ACVR1: variants seen among roughly 807,000 people sequenced by gnomAD.
ACVR1 encodes activin A receptor type 1.
ACVR1 carries 38 observed loss-of-function variants against 57.1 expected under a neutral mutation model. That is an observed-to-expected ratio of 0.67 (90% CI 0.51 to 0.87). The LOEUF is 0.87. Ranked by LOEUF, ACVR1 falls within the 40% of genes least tolerant of loss-of-function variation. The probability of loss-of-function intolerance (pLI) is 0.00; values close to 1 mark genes in which losing one functional copy is unlikely to be tolerated. For missense variants in ACVR1, 463 were observed against 638.2 expected, an observed-to-expected ratio of 0.73 and a Z score of 2.96; for synonymous variants, 212 against 228.1, an observed-to-expected ratio of 0.93 and a Z score of 0.63.
At chr2:157,753,540 C>G (rs967615766) in intron 9 of ACVR1, among the ~76,000 whole-genome samples, 2 of 151,928 alleles carry the variant, frequency 1.3e-5, no homozygotes, top group Non-Finnish European at 1.5e-5. Context: ...AAAAAAGAAG[C>G]CTTGTCCAGC....
intron 5 of ACVR1, among the ~76,000 whole-genome samples, chr2:157,774,482 A>T (rs976027758): frequency 6.6e-6 from 1 of 152,126 alleles, no homozygotes; most frequent in Non-Finnish European, 1.5e-5. Context: ...CTCCTGCCTC[A>T]GCCTCCCAAG....
chr2:157,816,286 C>T (rs1455322053), intron 2 of ACVR1, among the ~76,000 whole-genome samples: 5 of 151,924 alleles, frequency 3.3e-5, no homozygotes, highest in East Asian at 3.8e-4. Context: ...TATACTGTTT[C>T]GTATTATCTG....
At chr2:157,757,335 A>C (rs558523328) in intron 9 of ACVR1, among the ~76,000 whole-genome samples, 69 of 151,826 alleles carry the variant, frequency 4.5e-4, no homozygotes, top group Admixed American at 2.1e-3. Context: ...CCTATCCCCC[A>C]AAAAAAGCTG....
At chr2:157,789,905 T>G (rs764875878) in intron 3 of ACVR1, among the ~76,000 whole-genome samples, 2 of 152,204 alleles carry the variant, frequency 1.3e-5, no homozygotes, top group Non-Finnish European at 2.9e-5. Context: ...TAGGAAAGCC[T>G]TTCTCTCAAA....
rs367857827 is a variant in ACVR1 at position 157,737,552 on chromosome 2, G to A, written c.1509C>T (p.Asp503=). ...AATGTCAACAGTCAGTTTTCAATTTGTCGAGGGAATTATCAATTTTGGTCA... is the reference window on the plus strand; with the variant it reads ...AATGTCAACAGTCAGTTTTCAATTTATCGAGGGAATTATCAATTTTGGTCA... The part of the protein sequence containing the change: ...KTLTKIDNSL[D]KLKTDC Residue 503 remains aspartate, a synonymous_variant, in exon 11 of 11, where the codon GAC becomes GAT. Transcript: ENST00000434821. The A allele has an allele frequency of 6.8e-5, 109 of 1,613,914 alleles. No homozygotes were observed. Among genetic ancestry groups the A allele is most frequent in the Non-Finnish European group, 8.6e-5 (101 of 1,179,976 alleles).
At chr2:157,808,249 G>A (rs1255804585) in intron 2 of ACVR1, among the ~76,000 whole-genome samples, 4 of 152,068 alleles carry the variant, frequency 2.6e-5, no homozygotes, top group Non-Finnish European at 4.4e-5. Flanking sequence ...ACTCTGCCTG[G>A]CTCATGGCTA....
chr2:157,754,504 T>C (rs192791489), intron 9 of ACVR1, among the ~76,000 whole-genome samples: 2 of 152,166 alleles, frequency 1.3e-5, no homozygotes, highest in Admixed American at 1.3e-4. Context: ...CTAGAAAACC[T>C]AGAGGAGATA....
At chr2:157,866,228 A>C (rs1238147312) in intron 1 of ACVR1, among the ~76,000 whole-genome samples, 1 of 152,218 alleles carries the variant, frequency 6.6e-6, no homozygotes, top group African/African-American at 2.4e-5. Context: ...ACAAGCCTCT[A>C]TGAGAACAAA....
intron 1 of ACVR1, among the ~76,000 whole-genome samples, chr2:157,870,063 AG>A (rs1690066521): frequency 6.6e-6 from 1 of 152,238 alleles, no homozygotes; most frequent in Non-Finnish European, 1.5e-5. Flanking sequence ...TAGCTGCAAT[AG>A]TGGAAGTTTC....
intron 7 of ACVR1, among the ~76,000 whole-genome samples, chr2:157,769,975 C>G (rs1257104002): frequency 6.6e-6 from 1 of 152,134 alleles, no homozygotes; most frequent in East Asian, 1.9e-4. Flanking sequence ...TCCCTGGGAG[C>G]TGTGAATCTC....
At chr2:157,772,598 T>A (rs1686112584) in intron 6 of ACVR1, among the ~76,000 whole-genome samples, 1 of 152,204 alleles carries the variant, frequency 6.6e-6, no homozygotes, top group African/African-American at 2.4e-5. Context: ...CTGGAGCCAA[T>A]CTCTGAAGAC....
chr2:157,772,741 G>A lies in ACVR1; in HGVS notation c.643+1347C>T, dbSNP rs76073142. Among the ~76,000 whole-genome samples the A allele has an allele frequency of 1.6e-4, 25 of 152,320 alleles. No individual in the cohort carries two copies. In the East Asian group the frequency reaches 4.8e-3, roughly 29 times the overall value. On this transcript the variant is annotated intron_variant, in intron 6 of 10. Transcript: ENST00000434821. ...TCAAATAAGATACTAGTTAGTACAA[G>A]AGGACAACTCTGGTTGAAATTAATG...
At chr2:157,790,248 C>T (rs1423648952) in intron 3 of ACVR1, 3 of 152,288 alleles carry the variant, frequency 2.0e-5, no homozygotes, top group African/African-American at 7.2e-5. Context: ...AGGAGCTGCA[C>T]ATGCTCAGTA....
At chr2:157,801,660 C>T (rs1005707030) in intron 2 of ACVR1, among the ~76,000 whole-genome samples, 3 of 152,202 alleles carry the variant, frequency 2.0e-5, no homozygotes, top group African/African-American at 4.8e-5. Context: ...TATGATTCCA[C>T]TGCCATTAGC....
intron 1 of ACVR1, among the ~76,000 whole-genome samples, chr2:157,844,219 A>T (rs901221270): frequency 6.6e-6 from 1 of 152,198 alleles, no homozygotes; most frequent in African/African-American, 2.4e-5. Flanking sequence ...CCAGGTTTGT[A>T]AAACCCACTG....
At chr2:157,827,903 A>C (rs1011387706) in intron 1 of ACVR1, among the ~76,000 whole-genome samples, 1 of 152,228 alleles carries the variant, frequency 6.6e-6, no homozygotes, top group Non-Finnish European at 1.5e-5. Flanking sequence ...CTATAAAGAA[A>C]GAGCAGTGGC....
intron 3 of ACVR1, among the ~76,000 whole-genome samples, chr2:157,786,937 G>T (rs1235758249): frequency 3.3e-5 from 5 of 152,096 alleles, no homozygotes; most frequent in Non-Finnish European, 5.9e-5. Flanking sequence ...TCAATAGGGA[G>T]TGGGGAAGAG....
At chr2:157,804,019 T>C (rs921055309) in intron 2 of ACVR1, among the ~76,000 whole-genome samples, 2 of 152,218 alleles carry the variant, frequency 1.3e-5, no homozygotes, top group Admixed American at 1.3e-4. Context: ...AAAACACAGC[T>C]GGATTCTCAT....
chr2:157,779,515 G>A (rs934801624), intron 4 of ACVR1, among the ~76,000 whole-genome samples: 2 of 152,028 alleles, frequency 1.3e-5, no homozygotes, highest in African/African-American at 4.8e-5. Flanking sequence ...CTCCTTTCTT[G>A]CTGGCTGACA....
Sources: gnomAD v4.1 joint callset for allele counts (sites outside exome capture counted in the v4.1 genomes callset) on GRCh38, gnomAD v4.1.1 for gene constraint, MANE v1.5 for transcripts, NCBI Gene and HGNC (gene_info 2026-07-23, HGNC 2026-07-21) for gene names.